Variants in LGR4 observed in about 807,000 individuals in gnomAD.
The protein encoded by LGR4 is leucine rich repeat containing G protein-coupled receptor 4, also known as leucine-rich repeat-containing G protein-coupled receptor 4.
A neutral mutation model predicts 84.8 loss-of-function variants in LGR4; 44 were observed. That is an observed-to-expected ratio of 0.52 (90% CI 0.41 to 0.67). LGR4 has a LOEUF of 0.67. Among genes scored for constraint, LGR4 ranks in the 30% least tolerant of loss-of-function variants. The pLI is 0.00. For missense variants in LGR4, 1,032 were observed against 1,131.4 expected (o/e 0.91, Z 1.26); for synonymous variants, 429 against 434.3 (o/e 0.99, Z 0.15).
At chr11:27,410,796 T>C (rs191283606) in intron 2 of LGR4, among the ~76,000 whole-genome samples, 1 of 152,202 alleles carries the variant, frequency 6.6e-6, no homozygotes, top group Admixed American at 6.6e-5. Flanking sequence ...CGGACTTGAT[T>C]TCATGGGTTT....
chr11:27,469,533 T>TC (rs1864833899), intron 1 of LGR4, among the ~76,000 whole-genome samples: 1 of 152,022 alleles, frequency 6.6e-6, no homozygotes, highest in Admixed American at 6.5e-5. Context: ...GCCCTGTCAG[T>TC]CCCAGGATCT....
At chr11:27,409,571 A>T (rs1863672014) in intron 2 of LGR4, among the ~76,000 whole-genome samples, 1 of 152,078 alleles carries the variant, frequency 6.6e-6, no homozygotes, top group South Asian at 2.1e-4. Context: ...TCTCATTCCT[A>T]TCACTCCCCA....
intron 1 of LGR4, among the ~76,000 whole-genome samples, chr11:27,467,558 G>A (rs1238753612): frequency 1.2e-4 from 15 of 122,230 alleles, no homozygotes; most frequent in Non-Finnish European, 2.2e-4. Context: ...CAGCGCAAGA[G>A]TCCGTCTCAA....
intron 1 of LGR4, among the ~76,000 whole-genome samples, chr11:27,460,048 C>A (rs2133453466): frequency 1.3e-5 from 2 of 152,176 alleles, no homozygotes; most frequent in African/African-American, 4.8e-5. Flanking sequence ...CGAGATGGCA[C>A]CACTATGCTT....
At chr11:27,409,586 T>C (rs1176928602) in intron 2 of LGR4, among the ~76,000 whole-genome samples, 1 of 152,088 alleles carries the variant, frequency 6.6e-6, no homozygotes, top group Admixed American at 6.6e-5. Flanking sequence ...TCCCCAAATA[T>C]CAAATTAAAC....
intron 1 of LGR4, among the ~76,000 whole-genome samples, chr11:27,415,576 C>A (rs1318519420): frequency 6.6e-6 from 1 of 152,086 alleles, no homozygotes; most frequent in African/African-American, 2.4e-5. Flanking sequence ...ATGTAAAACA[C>A]ACGGTGAGTT....
At chr11:27,395,747 G>GT (rs1863378827) in intron 2 of LGR4, among the ~76,000 whole-genome samples, 1 of 152,176 alleles carries the variant, frequency 6.6e-6, no homozygotes, top group African/African-American at 2.4e-5. Flanking sequence ...ATGTATCTAC[G>GT]TAAGTTTACG....
At chr11:27,460,730 C>G (rs772232494) in intron 1 of LGR4, among the ~76,000 whole-genome samples, 10 of 152,120 alleles carry the variant, frequency 6.6e-5, no homozygotes, top group East Asian at 1.9e-4. Context: ...GCCCCAGACT[C>G]TGTGTGTGAA....
At chr11:27,416,068 T>C (rs555085056) in intron 1 of LGR4, among the ~76,000 whole-genome samples, 50 of 152,270 alleles carry the variant, frequency 3.3e-4, no homozygotes, top group African/African-American at 1.2e-3. Context: ...CTCCTACAGA[T>C]TAGTACCTTC....
chr11:27,383,198 TA>T (rs1305983969), intron 6 of LGR4, among the ~76,000 whole-genome samples: 1 of 152,162 alleles, frequency 6.6e-6, no homozygotes, highest in Non-Finnish European at 1.5e-5. Context: ...TAATTTCTTT[TA>T]ACATAAAGAG....
chr11:27,367,751 C>T lies in LGR4; in HGVS notation c.*116G>A, dbSNP rs1862793871. On this transcript the variant is annotated 3_prime_UTR_variant, in exon 18 of 18. Coordinates refer to ENST00000379214, the MANE Select transcript of LGR4 (RefSeq NM_018490.5). ...AAATAAACTGCCACCTCTCCTTCTT[C>T]TAAGTGACACCAGGCAGTGATTACA... The T allele has an allele frequency of 1.4e-6, 1 of 707,664 alleles. No individual in the cohort carries two copies. The highest frequency in any genetic ancestry group is 1.8e-5 in the African/African-American group (1 of 56,894). The allele number at this position is 707,664 out of a possible 1,614,324, so 43.8% of individuals were successfully genotyped here.
intron 16 of LGR4, 48 bp downstream of exon 16, chr11:27,372,235 A>G (rs985919629): frequency 6.6e-6 from 7 of 1,058,930 alleles, no homozygotes; most frequent in African/African-American, 1.6e-5. Flanking sequence ...AGGAACTTTA[A>G]TCAATGCCTT....
intron 2 of LGR4, among the ~76,000 whole-genome samples, chr11:27,393,948 G>A (rs1313879004): frequency 8.5e-6 from 1 of 117,942 alleles, no homozygotes; most frequent in Non-Finnish European, 1.8e-5. Context: ...TTGGGGGGGG[G>A]GGGGGGCGCG....
chr11:27,468,113 A>G (rs982655609), intron 1 of LGR4, among the ~76,000 whole-genome samples: 9 of 146,602 alleles, frequency 6.1e-5, no homozygotes, highest in Non-Finnish European at 1.2e-4. Context: ...GTAGTGGGGG[A>G]AAAAAAATAC....
Position 27,412,825 on chromosome 11 carries a change from T to A in LGR4, c.221A>T (p.Glu74Val). Residue 74 changes from glutamate to valine, a missense_variant, in exon 2 of 18, where the codon GAA (glutamate) becomes GTA (valine). Physicochemically the swap from Glu to Val is moderately radical, Grantham distance 121 (BLOSUM62 -2). Coordinates refer to ENST00000379214, the MANE Select transcript of LGR4 (RefSeq NM_018490.5). ...ISMNNITQLPEDAFKNFPFLE... is the reference protein window; with the variant it reads ...ISMNNITQLPVDAFKNFPFLE... Reference sequence around the variant, plus strand: ...AAAAGGAAAGTTCTTAAATGCATCTTCTGGCAACTGAGTAATGTTGTTCAT... The same window carrying A: ...AAAAGGAAAGTTCTTAAATGCATCTACTGGCAACTGAGTAATGTTGTTCAT... The A allele has an allele frequency of 6.2e-7, 1 of 1,604,224 alleles. No homozygotes were observed. Among genetic ancestry groups the A allele is most frequent in the South Asian group, 1.1e-5 (1 of 90,874 alleles).
rs564080700 is a variant in LGR4, at chr11:27,373,576, C to G, written c.1354G>C (p.Ala452Pro). The change falls in exon 15 of 18, where the codon GCA (alanine) becomes CCA (proline). Residue 452 changes from alanine to proline, a missense_variant. Physicochemically the swap from Ala to Pro is conservative, Grantham distance 27. Coordinates refer to ENST00000379214, the MANE Select transcript of LGR4 (RefSeq NM_018490.5). ...VGNFKLKEALAAKDFVNLRSL... is the reference protein window; with the variant it reads ...VGNFKLKEALPAKDFVNLRSL... ...CTGAGGTTAACAAAGTCTTTTGCTG[C>G]TAAGGCTTCTTTCAGCTTGAAGTTG... 3.1e-6 allele frequency: 5 copies of G among 1,593,834 alleles called. No individual in the cohort carries two copies. Among genetic ancestry groups the G allele is most frequent in the Non-Finnish European group, 4.3e-6 (5 of 1,168,070 alleles).
chr11:27,384,279 T>C, intron 6 of LGR4, 57 bp downstream of exon 6: 1 of 1,128,060 alleles, frequency 8.9e-7, no homozygotes, highest in Non-Finnish European at 1.3e-6. Context: ...TGCAGTGAAG[T>C]ATAAAATTAT....
At chr11:27,375,218 T>TC (rs1260586312) in intron 13 of LGR4, among the ~76,000 whole-genome samples, 1 of 148,026 alleles carries the variant, frequency 6.8e-6, no homozygotes, top group Non-Finnish European at 1.5e-5. Flanking sequence ...TTGTTTGAGC[T>TC]CAGGCGTTGG....
At chr11:27,382,314 G>T (rs902803372) in intron 6 of LGR4, 58 bp from the exon 7 acceptor site, 1 of 1,138,542 alleles carries the variant, frequency 8.8e-7, no homozygotes, top group Non-Finnish European at 1.3e-6. Context: ...TAATTCATAA[G>T]GCATTTTGTT....
Sources: allele counts gnomAD v4.1 joint callset (sites outside exome capture counted in the v4.1 genomes callset), GRCh38; gene constraint gnomAD v4.1.1; transcripts MANE v1.5; gene names NCBI Gene and HGNC (gene_info 2026-07-23, HGNC 2026-07-21).